Variants in COL17A1 observed in about 807,000 individuals in gnomAD.
COL17A1 encodes collagen alpha-1(XVII) chain.
COL17A1 carries 181 observed loss-of-function variants against 218.4 expected under a neutral mutation model. The ratio of observed to expected loss-of-function variants is 0.83; its 90% CI spans 0.73 to 0.94. The LOEUF is 0.94. Among genes scored for constraint, COL17A1 ranks in the 40% least tolerant of loss-of-function variants. The pLI is 0.00. For missense variants in COL17A1, 1,924 were observed against 1,945.9 expected, an observed-to-expected ratio of 0.99 and a Z score of 0.21; for synonymous variants, 721 against 731.0, an observed-to-expected ratio of 0.99 and a Z score of 0.22.
rs201410988 is a variant in COL17A1, at chr10:104,039,153, T to A, written c.2897-32A>T. ...TCCAAAATGAGAAGTTTGCCTCACC[T>A]CCTCCAGGAAGCCTTCCCTGGTTAA... On this transcript the variant is annotated intron_variant, in intron 43 of 55. Coordinates refer to ENST00000648076, the MANE Select transcript of COL17A1 (RefSeq NM_000494.4). 7.4e-6 allele frequency: 12 copies of A among 1,611,460 alleles called. No homozygotes were observed. In the East Asian group the frequency reaches 2.7e-4, roughly 36 times the overall value.
At chr10:104,038,119 G>A (rs776334711) in intron 45 of COL17A1, among the ~76,000 whole-genome samples, 7 of 152,118 alleles carry the variant, frequency 4.6e-5, no homozygotes, top group Non-Finnish European at 1.0e-4. Flanking sequence ...GGGTGTGGGC[G>A]AGGTGAGGCT....
intron 46 of COL17A1, among the ~76,000 whole-genome samples, 163 bp from the exon 47 acceptor site, chr10:104,037,276 C>T (rs1387515248): frequency 2.4e-5 from 3 of 127,220 alleles, no homozygotes; most frequent in African/African-American, 8.3e-5. Flanking sequence ...AAGTCAAATA[C>T]TGTTGTTGGG....
At chr10:104,074,368 C>CA in intron 5 of COL17A1, 137 bp from the exon 6 acceptor site, 1 of 1,254,410 alleles carries the variant, frequency 8.0e-7, no homozygotes, top group South Asian at 1.2e-5. Context: ...GTATGCTCTT[C>CA]AGCATGCATG....
intron 3 of COL17A1, 102 bp from the exon 4 acceptor site, chr10:104,077,628 C>T: frequency 2.2e-6 from 2 of 913,260 alleles, no homozygotes; most frequent in Non-Finnish European, 3.5e-6. Context: ...TTCACCAGGA[C>T]CTTCTTAGTT....
At chr10:104,083,144 G>A (rs2086779352) in intron 1 of COL17A1, among the ~76,000 whole-genome samples, 1 of 152,154 alleles carries the variant, frequency 6.6e-6, no homozygotes, top group African/African-American at 2.4e-5. Context: ...TGATGGCGTG[G>A]GGCACAAGCC....
At chr10:104,073,976 G>A (rs1379145955) in intron 6 of COL17A1, 2 of 678,320 alleles carry the variant, frequency 2.9e-6, no homozygotes, top group Non-Finnish European at 5.0e-6. Flanking sequence ...ACGAGCAAAG[G>A]CTTATGACAG....
intron 51 of COL17A1, 60 bp from the exon 52 acceptor site, chr10:104,034,394 G>GAGTT: frequency 6.6e-7 from 1 of 1,517,930 alleles, no homozygotes; most frequent in African/African-American, 1.4e-5. Context: ...AAAGACTTGG[G>GAGTT]AGTTAGGGAG....
chr10:104,034,151 C>T lies in COL17A1; in HGVS notation c.3950G>A (p.Gly1317Asp). The part of the protein sequence containing the change: ...YSSSMSTGGG[G>D]AGSLGAGGAF... ...ACCGCCTGCACCCAGGGAGCCTGCA[C>T]CACCTCCTCCTGTGCTCATGGAAGA... Residue 1317 changes from glycine (G) to aspartate (D), a missense_variant, in exon 52 of 56, where the codon GGT (glycine) becomes GAT (aspartate). Gly to Asp is a moderately conservative substitution (Grantham distance 94). Coordinates refer to ENST00000648076, the MANE Select transcript of COL17A1 (RefSeq NM_000494.4). 1 of 1,613,836 alleles carries T rather than the reference C, an allele frequency of 6.2e-7. No individual in the cohort carries two copies. The highest frequency in any genetic ancestry group is 8.5e-7 in the Non-Finnish European group (1 of 1,179,970).
chr10:104,056,748 C>T (rs751456930), intron 17 of COL17A1, among the ~76,000 whole-genome samples: 4 of 152,076 alleles, frequency 2.6e-5, no homozygotes, highest in East Asian at 1.9e-4. Context: ...GAGCATCAGG[C>T]GCTGCATCCA....
At chr10:104,056,711 G>A (rs2086531781) in intron 17 of COL17A1, among the ~76,000 whole-genome samples, 1 of 152,130 alleles carries the variant, frequency 6.6e-6, no homozygotes, top group Non-Finnish European at 1.5e-5. Flanking sequence ...TTAGACCAGG[G>A]CCTACAGGTG....
At chr10:104,066,404 AG>A (rs2086626603) in intron 9 of COL17A1, among the ~76,000 whole-genome samples, 1 of 152,258 alleles carries the variant, frequency 6.6e-6, no homozygotes, top group Non-Finnish European at 1.5e-5. Flanking sequence ...TCTGGGCCAA[AG>A]AGCCCATTCA....
At chr10:104,035,713 C>A (rs2086274027) in intron 48 of COL17A1, 150 bp from the exon 49 acceptor site, 4 of 676,890 alleles carry the variant, frequency 5.9e-6, no homozygotes, top group Admixed American at 2.8e-5. Context: ...AGGAGGAGCC[C>A]AAAGGAGGAA....
intron 28 of COL17A1, among the ~76,000 whole-genome samples, chr10:104,049,704 T>C (rs534814626): frequency 1.7e-4 from 26 of 152,310 alleles, no homozygotes; most frequent in Admixed American, 5.9e-4. Context: ...AACCACCCCT[T>C]GAGTCACAGC....
At chr10:104,046,120 A>G (rs1226797422) in intron 32 of COL17A1, among the ~76,000 whole-genome samples, 1 of 152,140 alleles carries the variant, frequency 6.6e-6, no homozygotes, top group African/African-American at 2.4e-5. Flanking sequence ...CCTGCAGGGG[A>G]GGGGCTCGGC....
At chr10:104,046,906 CG>C in intron 31 of COL17A1, 133 bp from the exon 32 acceptor site, 2 of 825,962 alleles carry the variant, frequency 2.4e-6, no homozygotes, top group Admixed American at 2.0e-5. Context: ...CGTCTCATGC[CG>C]GGGCAGCCAG....
At position 104,038,585 on chromosome 10, in the gene COL17A1, G is replaced by A. The variant is rs201370077; in HGVS notation, c.2948-57C>T. 5,036 of 1,599,738 alleles carry A rather than the reference G, an allele frequency of 3.1e-3. 21 individuals carry two copies. Among genetic ancestry groups the A allele is most frequent in the Non-Finnish European group, 3.8e-3 (4,482 of 1,178,662 alleles). On this transcript the variant is annotated intron_variant, in intron 44 of 55. Transcript: ENST00000648076. ...TTCTCCACCCTAGGGTCAGACAAAC[G>A]GGCCCAGGAATAGCTTCCATGGTCT...
At chr10:104,062,191 T>G in intron 12 of COL17A1, 67 bp downstream of exon 12, 1 of 1,613,130 alleles carries the variant, frequency 6.2e-7, no homozygotes, top group East Asian at 2.2e-5. Flanking sequence ...GTCTCCTAAT[T>G]CAGTGAGTTG....
rs571870268 is a variant in COL17A1 at position 104,079,758 on chromosome 10, T to C, written c.52+864A>G. Among the ~76,000 whole-genome samples the C allele has an allele frequency of 5.5e-4, 83 of 152,222 alleles. 2 individuals are homozygous for C. The highest frequency in any genetic ancestry group is 1.5e-5 in the Non-Finnish European group (1 of 68,018). On this transcript the variant is annotated intron_variant, in intron 2 of 55. Coordinates refer to ENST00000648076, the MANE Select transcript of COL17A1 (RefSeq NM_000494.4). ...CTGGCCAACATAGTGAAACCCCGTC[T>C]CTACTAAAAACACAAAAAATTAGCT... is the stretch of plus-strand genomic sequence containing the variant.
Position 104,035,534 on chromosome 10 carries a change from G to C in COL17A1, c.3448C>G (p.Pro1150Ala). 3 of 1,613,950 alleles carry C rather than the reference G, an allele frequency of 1.9e-6. No individual in the cohort carries two copies. The highest frequency in any genetic ancestry group is 2.5e-6 in the Non-Finnish European group (3 of 1,179,954). Residue 1150 changes from proline (P) to alanine (A), a missense_variant, in exon 49 of 56, where the codon CCC becomes GCC. Physicochemically the swap from Pro to Ala is conservative, Grantham distance 27. Coordinates refer to ENST00000648076, the MANE Select transcript of COL17A1 (RefSeq NM_000494.4). ...CCCGGCAAGCCAGGGGGCCCCGGGG[G>C]ACCAGGAAGCCCAATGCTGATCCCA... ...SSGISIGLPG[P>A]PGPPGLPGTS...
Sources: gnomAD v4.1 joint callset for allele counts (sites outside exome capture counted in the v4.1 genomes callset) on GRCh38, gnomAD v4.1.1 for gene constraint, MANE v1.5 for transcripts, NCBI Gene and HGNC (gene_info 2026-07-23, HGNC 2026-07-21) for gene names.